The following B3GALT1 variants were observed in gnomAD, a reference collection of about 807,000 sequenced individuals.
B3GALT1 encodes the protein UDP-Gal:betaGlcNAc beta 1,3-galactosyltransferase, polypeptide 1.
B3GALT1 carries 10 observed loss-of-function variants against 23.2 expected under a neutral mutation model. The ratio of observed to expected loss-of-function variants is 0.43; its 90% confidence interval spans 0.27 to 0.73. B3GALT1 has a LOEUF of 0.73. Among genes scored for constraint, B3GALT1 ranks in the 30% least tolerant of loss-of-function variants. The pLI, the probability that B3GALT1 is intolerant of heterozygous loss-of-function variation, is 0.21. For synonymous variants in B3GALT1, 156 were observed against 141.5 expected (o/e 1.10, Z -0.73); for missense variants, 299 against 405.4 (o/e 0.74, Z 2.25).
intron 3 of B3GALT1, among the ~76,000 whole-genome samples, chr2:167,813,001 C>A (rs1012376437): frequency 2.2e-5 from 3 of 136,162 alleles, no homozygotes; most frequent in East Asian, 2.4e-4. Flanking sequence ...CCCCCACCCC[C>A]CCCCACACAG....
rs137929633 is a variant in B3GALT1 at position 167,398,427 on chromosome 2, A to G, written c.-510-91750A>G. Among the ~76,000 whole-genome samples the G allele has an allele frequency of 2.8e-3, 428 of 151,734 alleles. 1 individual carries two copies. Among genetic ancestry groups the G allele is most frequent in the African/African-American group, 9.1e-3 (377 of 41,346 alleles). ...TACCGTTTTCTTTATTTTTATCTCT[A>G]TTGCTATCTCTCTATTCTCCAACAT... is the stretch of plus-strand genomic sequence containing the variant. On this transcript the variant is annotated intron_variant, in intron 1 of 4. Transcript: ENST00000392690.
intron 3 of B3GALT1, among the ~76,000 whole-genome samples, chr2:167,764,439 A>G (rs1687943003): frequency 6.6e-6 from 1 of 152,216 alleles, no homozygotes; most frequent in Admixed American, 6.5e-5. Context: ...GCAGATGCTT[A>G]CTGAATCCCA....
At chr2:167,681,234 T>C (rs1376129437) in intron 3 of B3GALT1, among the ~76,000 whole-genome samples, 1 of 152,164 alleles carries the variant, frequency 6.6e-6, no homozygotes, top group Non-Finnish European at 1.5e-5. Flanking sequence ...GGAGTGAAGT[T>C]GCAGCCATCA....
chr2:167,563,232 AG>A (rs1221613341), intron 2 of B3GALT1, among the ~76,000 whole-genome samples: 3 of 140,790 alleles, frequency 2.1e-5, no homozygotes, highest in African/African-American at 9.1e-5. Flanking sequence ...GCAGCCGGGC[AG>A]AGGCGCCCCC....
Position 167,868,960 on chromosome 2 carries a change from G to T in B3GALT1, c.-80G>T. On this transcript the variant is annotated 5_prime_UTR_variant, in exon 5 of 5. An upstream start codon of the reference 5' UTR is lost. Transcript: ENST00000392690. ...AAACTTGAAGATTTATTAGTAATAT[G>T]CTGCCTTTGGAAGATGAAAACAAAC... 1 of 1,462,438 alleles carries T rather than the reference G, an allele frequency of 6.8e-7. No homozygotes were observed. The highest frequency in any genetic ancestry group is 9.2e-7 in the Non-Finnish European group (1 of 1,087,022). 90.6% of individuals were successfully genotyped at this position (1,462,438 alleles called of 1,614,324 possible).
intron 1 of B3GALT1, among the ~76,000 whole-genome samples, chr2:167,326,683 T>C (rs2105497129): frequency 6.6e-6 from 1 of 151,788 alleles, no homozygotes; most frequent in South Asian, 2.1e-4. Flanking sequence ...CCCCTGCCCA[T>C]TTATTTATTT....
At chr2:167,569,388 A>G (rs181028253) in intron 2 of B3GALT1, among the ~76,000 whole-genome samples, 80 of 151,936 alleles carry the variant, frequency 5.3e-4, no homozygotes, top group African/African-American at 1.9e-3. Flanking sequence ...AGATTTTTAG[A>G]TTTCCTCATA....
chr2:167,476,553 G>C (rs1333424737), intron 1 of B3GALT1, among the ~76,000 whole-genome samples: 3 of 152,078 alleles, frequency 2.0e-5, no homozygotes, highest in African/African-American at 4.8e-5. Context: ...TTCCTTTCAA[G>C]GGGGGATACT....
intron 4 of B3GALT1, among the ~76,000 whole-genome samples, chr2:167,854,423 T>C (rs1474543038): frequency 6.6e-6 from 1 of 152,128 alleles, no homozygotes; most frequent in Non-Finnish European, 1.5e-5. Flanking sequence ...ACCTGATAAT[T>C]CTTTGGACTT....
intron 2 of B3GALT1, among the ~76,000 whole-genome samples, chr2:167,618,502 A>G (rs536315015): frequency 6.6e-6 from 1 of 152,144 alleles, no homozygotes; most frequent in African/African-American, 2.4e-5. Context: ...ATTTTCTTAC[A>G]TAACCACAAA....
chr2:167,475,795 G>A (rs889396684), intron 1 of B3GALT1, among the ~76,000 whole-genome samples: 2 of 152,038 alleles, frequency 1.3e-5, no homozygotes, highest in African/African-American at 4.8e-5. Flanking sequence ...GAAAGTTTGC[G>A]ATCTAAGTAA....
chr2:167,821,447 T>G (rs1689105169), intron 4 of B3GALT1, among the ~76,000 whole-genome samples: 1 of 149,538 alleles, frequency 6.7e-6, no homozygotes, highest in Non-Finnish European at 1.5e-5. Flanking sequence ...TTTTTTTTTT[T>G]TTTTTTGAGA....
intron 1 of B3GALT1, among the ~76,000 whole-genome samples, chr2:167,448,402 G>T (rs765752321): frequency 2.4e-4 from 37 of 151,904 alleles, no homozygotes; most frequent in Non-Finnish European, 4.7e-4. Context: ...TTGTACATTT[G>T]TATATTTTCT....
chr2:167,445,778 C>T (rs1261085054), intron 1 of B3GALT1, among the ~76,000 whole-genome samples: 2 of 152,098 alleles, frequency 1.3e-5, no homozygotes, highest in Admixed American at 1.3e-4. Context: ...AGATGGGTTT[C>T]CTGAATACAG....
At chr2:167,563,361 CT>C in intron 2 of B3GALT1, among the ~76,000 whole-genome samples, 2 of 139,070 alleles carry the variant, frequency 1.4e-5, no homozygotes, top group African/African-American at 5.6e-5. Flanking sequence ...GGGGGGCTGA[CT>C]CCCCCACCTC....
intron 1 of B3GALT1, among the ~76,000 whole-genome samples, chr2:167,487,369 A>G (rs1397948475): frequency 6.6e-6 from 1 of 152,190 alleles, no homozygotes; most frequent in Non-Finnish European, 1.5e-5. Context: ...CTCATTCCAA[A>G]GCGTATTTTT....
chr2:167,718,463 G>C (rs1687185541), intron 3 of B3GALT1, among the ~76,000 whole-genome samples: 1 of 152,110 alleles, frequency 6.6e-6, no homozygotes, highest in African/African-American at 2.4e-5. Flanking sequence ...CAATCACTAA[G>C]TTTTAAGTGT....
chr2:167,622,132 C>G (rs932241920), intron 2 of B3GALT1, among the ~76,000 whole-genome samples: 2 of 152,092 alleles, frequency 1.3e-5, no homozygotes, highest in African/African-American at 4.8e-5. Flanking sequence ...ACATAATCTC[C>G]TCCACATGTC....
At chr2:167,362,493 A>T (rs1574048958) in intron 1 of B3GALT1, among the ~76,000 whole-genome samples, 1 of 152,124 alleles carries the variant, frequency 6.6e-6, no homozygotes. Context: ...TTTCCGAAGT[A>T]TGAGATTCTC....
Sources: allele counts gnomAD v4.1 joint callset (sites outside exome capture counted in the v4.1 genomes callset), GRCh38; gene constraint gnomAD v4.1.1; transcripts MANE v1.5; gene names NCBI Gene and HGNC (gene_info 2026-07-23, HGNC 2026-07-21).